Variants in PIKFYVE observed in about 807,000 individuals in gnomAD.
PIKFYVE encodes 1-phosphatidylinositol 3-phosphate 5-kinase.
Under a neutral mutation model 257.9 loss-of-function variants are expected in PIKFYVE, and 122 were observed. That is an observed-to-expected ratio of 0.47 (90% CI 0.41 to 0.55). The LOEUF is 0.55. Ranked by LOEUF, PIKFYVE falls within the 20% of genes least tolerant of loss-of-function variation. The pLI is 0.00. For synonymous variants in PIKFYVE, 892 were observed against 868.9 expected, an observed-to-expected ratio of 1.03 and a Z score of -0.47; for missense variants, 2,160 against 2,536.6, an observed-to-expected ratio of 0.85 and a Z score of 3.19.
At position 208,284,968 on chromosome 2, in the gene PIKFYVE, G is replaced by C. The variant is rs576079383; in HGVS notation, c.614-758G>C. Among the ~76,000 whole-genome samples the C allele has an allele frequency of 6.6e-5, 10 of 152,180 alleles. No individual in the cohort carries two copies. In the East Asian group the frequency reaches 1.7e-3, roughly 26 times the overall value. On this transcript the variant is annotated intron_variant, in intron 5 of 41. Transcript: ENST00000264380. ...CCCCCAAAGTGCTGGGATTACAGGT[G>C]TGAGCCAGTGTGCCTGTCCTAGATC...
chr2:208,352,998 T>C (rs1699913523), intron 39 of PIKFYVE, among the ~76,000 whole-genome samples: 1 of 152,212 alleles, frequency 6.6e-6, no homozygotes, highest in Non-Finnish European at 1.5e-5. Context: ...ATATCCAATA[T>C]TCTAGAATCA....
In PIKFYVE at chr2:208,351,471, C is replaced by T. The variant is rs754349403; in HGVS notation, c.5715+16C>T. ...TCAACAAAAGGTAGAAATCTAAAAC[C>T]ATGGTCTGTAATCAAAGTTTGGTGG... On this transcript the variant is annotated intron_variant, in intron 38 of 41. Coordinates refer to ENST00000264380, the MANE Select transcript of PIKFYVE (RefSeq NM_015040.4). The T allele has an allele frequency of 1.9e-6, 3 of 1,576,318 alleles. No homozygotes were observed. The highest frequency in any genetic ancestry group is 2.6e-6 in the Non-Finnish European group (3 of 1,145,730).
At chr2:208,271,473 A>G (rs769629601) in intron 1 of PIKFYVE, 38 bp from the exon 2 acceptor site, 1 of 1,600,506 alleles carries the variant, frequency 6.2e-7, no homozygotes, top group African/African-American at 1.3e-5. Flanking sequence ...GAGCTTCCTG[A>G]GGAATTTAGA....
In PIKFYVE at chr2:208,304,333, C is replaced by A; in HGVS notation, c.1468+15C>A. The stretch of plus-strand genomic sequence containing the variant: ...TAATTTGGCTAGTGAGTTTAACTTT[C>A]TAACATTTTAGTTTTGATGGGTCAT... On this transcript the variant is annotated intron_variant, in intron 11 of 41. Transcript: ENST00000264380. The A allele has an allele frequency of 6.2e-7, 1 of 1,612,986 alleles. No homozygotes were observed. Among genetic ancestry groups the A allele is most frequent in the Non-Finnish European group, 8.5e-7 (1 of 1,179,466 alleles).
intron 16 of PIKFYVE, among the ~76,000 whole-genome samples, chr2:208,318,893 G>C (rs1411979983): frequency 6.8e-6 from 1 of 147,338 alleles, no homozygotes; most frequent in Non-Finnish European, 1.5e-5. Flanking sequence ...GAAGGTTGCA[G>C]TGAGCTGAGA....
chr2:208,341,370 A>G (rs1027438033), intron 31 of PIKFYVE, among the ~76,000 whole-genome samples: 3 of 151,574 alleles, frequency 2.0e-5, no homozygotes, highest in African/African-American at 7.3e-5. Flanking sequence ...TTTGTGAAAC[A>G]CAGTCTTTTT....
rs1402109249 is a variant in PIKFYVE, at chr2:208,356,060, C to T, written c.*755C>T. The T allele has an allele frequency of 6.6e-6, 1 of 152,294 alleles. No individual in the cohort carries two copies. The highest frequency in any genetic ancestry group is 1.5e-5 in the Non-Finnish European group (1 of 68,020). 9.4% of individuals were successfully genotyped at this position (152,294 alleles called of 1,614,324 possible). On this transcript the variant is annotated 3_prime_UTR_variant, in exon 42 of 42. Coordinates refer to ENST00000264380, the MANE Select transcript of PIKFYVE (RefSeq NM_015040.4). ...TAAATTGCACTTACTTGCATACGCT[C>T]ATATTCTAGGGTTTTTTCTCTATTT...
rs1697782085 is a variant in PIKFYVE, at chr2:208,333,423, C to T, written c.4072C>T (p.Pro1358Ser). The part of the protein sequence containing the change: ...HQYTRRANAE[P>S]CGHSIHHDYH... ...GTATACTCGCAGAGCCAACGCTGAG[C>T]CCTGTGGTCACTCCATCCATCATGA... Residue 1358 changes from proline (P) to serine (S), a missense_variant, in exon 24 of 42, where the codon CCC (proline) becomes TCC (serine). Pro to Ser is a moderately conservative substitution (Grantham distance 74, BLOSUM62 -1). This residue lies in a region of PIKFYVE where 699 missense variants were observed against 855.8 expected (regional missense o/e 0.82). Coordinates refer to ENST00000264380, the MANE Select transcript of PIKFYVE (RefSeq NM_015040.4). 1 of 1,614,034 alleles carries T rather than the reference C, an allele frequency of 6.2e-7. No individual in the cohort carries two copies. Among genetic ancestry groups the T allele is most frequent in the Non-Finnish European group, 8.5e-7 (1 of 1,179,982 alleles).
rs548874180 is a variant in PIKFYVE, at chr2:208,331,302, T to A, written c.3963+608T>A. On this transcript the variant is annotated intron_variant, in intron 23 of 41. Coordinates refer to ENST00000264380, the MANE Select transcript of PIKFYVE (RefSeq NM_015040.4). Reference sequence around the variant, plus strand: ...ATTTGGTGCCAATATTGTGTTTTTTTTAAATATATGATTTTTATCCAGACT... The same window carrying A: ...ATTTGGTGCCAATATTGTGTTTTTTATAAATATATGATTTTTATCCAGACT... 6.6e-5 allele frequency among the ~76,000 whole-genome samples: 10 copies of A among 152,304 alleles called. No homozygotes were observed. In the South Asian group the frequency reaches 8.3e-4, roughly 13 times the overall value.
At chr2:208,346,306 C>T (rs1349484108) in intron 34 of PIKFYVE, among the ~76,000 whole-genome samples, 159 bp downstream of exon 34, 2 of 152,132 alleles carry the variant, frequency 1.3e-5, no homozygotes, top group Admixed American at 6.5e-5. Flanking sequence ...CCTCTTTATA[C>T]GTGTTTTGCT....
At chr2:208,322,705 T>A (rs1036859557) in intron 17 of PIKFYVE, among the ~76,000 whole-genome samples, 20 of 147,936 alleles carry the variant, frequency 1.4e-4, no homozygotes, top group Admixed American at 3.4e-4. Flanking sequence ...ATATATATTT[T>A]TTTTATTACA....
At chr2:208,278,161 A>G (rs1420469075) in intron 5 of PIKFYVE, among the ~76,000 whole-genome samples, 1 of 152,198 alleles carries the variant, frequency 6.6e-6, no homozygotes, top group Non-Finnish European at 1.5e-5. Flanking sequence ...TGAAACAGAA[A>G]AAACTGAACA....
At chr2:208,319,984 TA>T (rs369708838) in intron 16 of PIKFYVE, among the ~76,000 whole-genome samples, 1 of 146,626 alleles carries the variant, frequency 6.8e-6, no homozygotes, top group African/African-American at 2.5e-5. Context: ...ACATCAGAAA[TA>T]AAAAAAAAAG....
At chr2:208,345,000 G>A (rs1209403871) in intron 32 of PIKFYVE, 111 bp from the exon 33 acceptor site, 4 of 752,150 alleles carry the variant, frequency 5.3e-6, no homozygotes, top group Non-Finnish European at 9.0e-6. Flanking sequence ...TTTAATTATG[G>A]AAACGTATAA....
intron 5 of PIKFYVE, among the ~76,000 whole-genome samples, chr2:208,281,688 C>A (rs1017767365): frequency 1.3e-5 from 2 of 152,170 alleles, no homozygotes; most frequent in Non-Finnish European, 2.9e-5. Context: ...CCAGGTTAAT[C>A]TCCTCAAATG....
chr2:208,310,596 T>A (rs1387941210), intron 12 of PIKFYVE, among the ~76,000 whole-genome samples: 3 of 152,158 alleles, frequency 2.0e-5, no homozygotes, highest in Admixed American at 6.5e-5. Context: ...AATCTCTAGA[T>A]GTAGTTTTCC....
intron 15 of PIKFYVE, among the ~76,000 whole-genome samples, chr2:208,316,925 A>C (rs1695594781): frequency 6.6e-6 from 1 of 152,196 alleles, no homozygotes; most frequent in Non-Finnish European, 1.5e-5. Context: ...AAACTGCCTA[A>C]CCATATGTAG....
intron 5 of PIKFYVE, among the ~76,000 whole-genome samples, chr2:208,283,955 TG>T (rs1244135923): frequency 6.6e-6 from 1 of 152,228 alleles, no homozygotes; most frequent in African/African-American, 2.4e-5. Flanking sequence ...AAGGCCATTT[TG>T]GTAGTGATTA....
intron 16 of PIKFYVE, among the ~76,000 whole-genome samples, chr2:208,318,756 C>G (rs1695852991): frequency 6.6e-6 from 1 of 151,876 alleles, no homozygotes; most frequent in African/African-American, 2.4e-5. Context: ...ATTTTGAGAG[C>G]AGCCTGGCCA....
Sources: gnomAD v4.1 joint callset for allele counts (sites outside exome capture counted in the v4.1 genomes callset) on GRCh38, gnomAD v4.1.1 for gene constraint, gnomAD v4.1.1 regional missense constraint, MANE v1.5 for transcripts, NCBI Gene and HGNC (gene_info 2026-07-23, HGNC 2026-07-21) for gene names.